SNAPC4: variants seen among roughly 807,000 people sequenced by gnomAD.
The protein encoded by SNAPC4 is small nuclear RNA activating complex polypeptide 4.
SNAPC4 carries 127 observed loss-of-function variants against 151.3 expected under a neutral mutation model. The observed-to-expected ratio is 0.84, with a 90% CI of 0.73 to 0.97. The LOEUF (loss-of-function observed/expected upper bound fraction) is 0.97. Ranked by LOEUF, SNAPC4 falls within the 50% of genes least tolerant of loss-of-function variation. The probability of loss-of-function intolerance (pLI) is 0.00; values close to 1 mark genes in which losing one functional copy is unlikely to be tolerated. For missense variants in SNAPC4, 2,186 were observed against 1,935.0 expected (o/e 1.13, Z -2.43); for synonymous variants, 1,002 against 824.4 (o/e 1.22, Z -3.69).
chr9:136,379,399 C>T, intron 21 of SNAPC4, 100 bp from the exon 22 acceptor site: 8 of 1,540,962 alleles, frequency 5.2e-6, no homozygotes, highest in Non-Finnish European at 6.1e-6. Flanking sequence ...ATGTGGGGAG[C>T]CTGGGGTCTT....
In SNAPC4 at chr9:136,398,420, T is replaced by C. The variant is rs1271066154; in HGVS notation, c.9A>G (p.Val3=). The C allele has an allele frequency of 5.6e-6, 9 of 1,613,330 alleles. No homozygotes were observed. Among genetic ancestry groups the C allele is most frequent in the Middle Eastern group, 1.7e-4 (1 of 6,060 alleles). MD[V]DAEREKITQE... Reference sequence around the variant, plus strand: ...GTGTTATCTTCTCTCTTTCAGCATCTACATCCATGACTCCCGCCTGCCTCC... The same window carrying C: ...GTGTTATCTTCTCTCTTTCAGCATCCACATCCATGACTCCCGCCTGCCTCC... Residue 3 remains valine, a synonymous_variant, in exon 2 of 24, where the codon GTA becomes GTG. Coordinates refer to ENST00000684778, the MANE Select transcript of SNAPC4 (RefSeq NM_003086.4).
Position 136,395,675 on chromosome 9 carries a change from C to G in SNAPC4, c.273G>C (p.Met91Ile). 6.2e-7 allele frequency: 1 copy of G among 1,613,384 alleles called. No individual in the cohort carries two copies. Among genetic ancestry groups the G allele is most frequent in the South Asian group, 1.1e-5 (1 of 91,090 alleles). ...EDPETCLQLN[M>I]VYQEVIQEKL... ...TCTCCTGGATGACCTCCTGGTAGAC[C>G]ATGTTCAGCTGCAGGCAGGTTTCTG... Residue 91 changes from methionine to isoleucine, a missense_variant, in exon 4 of 24, where the codon ATG (methionine) becomes ATC (isoleucine). Coordinates refer to ENST00000684778, the MANE Select transcript of SNAPC4 (RefSeq NM_003086.4).
At position 136,381,813 on chromosome 9, in the gene SNAPC4, C is replaced by T. The variant is rs202014657; in HGVS notation, c.2317+11G>A. ...CCCCCAGGATGCTCCCAGAGGAGCC[C>T]CAGGCCATACCTTGAGTCTGCACTA... On this transcript the variant is annotated intron_variant, in intron 18 of 23. Coordinates refer to ENST00000684778, the MANE Select transcript of SNAPC4 (RefSeq NM_003086.4). 24 of 1,608,986 alleles carry T rather than the reference C, an allele frequency of 1.5e-5. No homozygotes were observed. Among genetic ancestry groups the T allele is most frequent in the African/African-American group, 1.2e-4 (9 of 74,990 alleles).
intron 3 of SNAPC4, 135 bp downstream of exon 3, chr9:136,396,842 T>G: frequency 1.3e-6 from 1 of 761,926 alleles, no homozygotes; most frequent in Non-Finnish European, 2.3e-6. Context: ...TTTTTAATTT[T>G]TTTATAACAA....
At chr9:136,387,895 C>A (rs778716276) in intron 11 of SNAPC4, 47 bp from the exon 12 acceptor site, 2 of 1,066,628 alleles carry the variant, frequency 1.9e-6, no homozygotes, top group South Asian at 1.2e-5. Context: ...AGACACACAC[C>A]CTCCATAGAG....
intron 13 of SNAPC4, among the ~76,000 whole-genome samples, chr9:136,386,871 G>A (rs932220814): frequency 6.6e-6 from 1 of 152,120 alleles, no homozygotes; most frequent in Non-Finnish European, 1.5e-5. Context: ...TCCTGCCTCA[G>A]CCTCCCAAGT....
At chr9:136,388,825 C>T (rs1470916545) in intron 10 of SNAPC4, among the ~76,000 whole-genome samples, 1 of 148,332 alleles carries the variant, frequency 6.7e-6, no homozygotes, top group Non-Finnish European at 1.5e-5. Flanking sequence ...GGAATCAAAC[C>T]TTCACTTAAG....
intron 3 of SNAPC4, among the ~76,000 whole-genome samples, chr9:136,396,411 T>C (rs1380857362): frequency 2.6e-5 from 4 of 152,154 alleles, no homozygotes; most frequent in African/African-American, 7.2e-5. Context: ...GCTGTTTGGG[T>C]GCTTGTGTAT....
In SNAPC4 at chr9:136,378,942, T is replaced by G. The variant is rs143530473; in HGVS notation, c.2885A>C (p.Lys962Thr). Residue 962 changes from lysine (K) to threonine (T), a missense_variant, in exon 22 of 24, where the codon AAA becomes ACA. Lys to Thr is a moderately conservative substitution (Grantham distance 78). Transcript: ENST00000684778. ...LSGPGAPAAA[K>T]PGTSGSWQEA... ...CTGCCAGGAGCCAGAAGTGCCAGGT[T>G]TGGCTGCCGCGGGGGCCCCAGGCCC... is the stretch of plus-strand genomic sequence containing the variant. 1,779 of 1,610,438 alleles carry G rather than the reference T, an allele frequency of 1.1e-3. 8 individuals are homozygous for G. In the African/African-American group the frequency reaches 0.02, roughly 18 times the overall value.
chr9:136,383,726 C>T lies in SNAPC4; in HGVS notation c.1501-58G>A. 6.4e-7 allele frequency: 1 copy of T among 1,556,570 alleles called. No homozygotes were observed. Among genetic ancestry groups the T allele is most frequent in the African/African-American group, 1.4e-5 (1 of 73,934 alleles). On this transcript the variant is annotated intron_variant, in intron 15 of 23. Coordinates refer to ENST00000684778, the MANE Select transcript of SNAPC4 (RefSeq NM_003086.4). This position sits in a 1 kb window ranked among gnomAD's most constrained non-coding sequence, Gnocchi z 4.2. ...GGCAAGCCCGGTTCACCCATGATGG[C>T]AGCAAGCAGGCCAGCCCTTTGGGGA...
chr9:136,398,122 G>A (rs1157328308), intron 2 of SNAPC4, among the ~76,000 whole-genome samples, 177 bp downstream of exon 2: 2 of 152,046 alleles, frequency 1.3e-5, no homozygotes, highest in African/African-American at 2.4e-5. Context: ...TGTCCAGGCT[G>A]GACATGAACT....
In SNAPC4 at chr9:136,395,736, T is replaced by C. The variant is rs780525129; in HGVS notation, c.212A>G (p.Glu71Gly). 6.2e-7 allele frequency: 1 copy of C among 1,613,358 alleles called. No individual in the cohort carries two copies. Among genetic ancestry groups the C allele is most frequent in the Non-Finnish European group, 8.5e-7 (1 of 1,179,826 alleles). ...EERWGEASND[E>G]DDPKDKTLPE... ...GAGGGTTTTATCCTTGGGATCGTCC[T>C]CGTCATTGCTGGCTTCGCCCCACCT... Residue 71 changes from glutamate to glycine, a missense_variant, in exon 4 of 24, where the codon GAG becomes GGG. By Grantham distance (98) the Glu-to-Gly change is moderately conservative. Transcript: ENST00000684778.
Position 136,383,264 on chromosome 9 carries a change from G to C in SNAPC4, c.1905C>G (p.His635Gln), listed in dbSNP as rs61731237. Residue 635 changes from histidine (H) to glutamine (Q), a missense_variant, in exon 16 of 24, where the codon CAC (histidine) becomes CAG (glutamine). Transcript: ENST00000684778. This position sits in a 1 kb window ranked among gnomAD's most constrained non-coding sequence, Gnocchi z 4.2. ...TSPVQVPARA[H>Q]GPVPRSAQAS... The stretch of plus-strand genomic sequence containing the variant: ...CCTGGGCAGACCTCGGGACAGGGCC[G>C]TGGGCCCTGGCAGGGACCTGCACCG... 6.2e-7 allele frequency: 1 copy of C among 1,610,434 alleles called. No individual in the cohort carries two copies. Among genetic ancestry groups the C allele is most frequent in the Non-Finnish European group, 8.5e-7 (1 of 1,178,740 alleles).
intron 21 of SNAPC4, 92 bp downstream of exon 21, chr9:136,379,745 G>T: frequency 8.5e-7 from 1 of 1,170,552 alleles, no homozygotes; most frequent in South Asian, 1.3e-5. Flanking sequence ...GCTGCTTGGG[G>T]GCTGTGGGTG....
chr9:136,395,987 T>C (rs1834256996), intron 3 of SNAPC4, among the ~76,000 whole-genome samples: 2 of 152,200 alleles, frequency 1.3e-5, no homozygotes, highest in African/African-American at 2.4e-5. Context: ...GTGTGCGCCT[T>C]TCCTAATCCA....
In SNAPC4 at chr9:136,388,540, C is replaced by CT. The variant is rs771296964; in HGVS notation, c.1026dup (p.Ala343SerfsTer69). The stretch of plus-strand genomic sequence containing the variant: ...TCTGTCCACTCCTTGCGTTTCAGAG[C>CT]TTTGTTGTGCTGCTGGAATTTCTGC... On this transcript the variant is annotated frameshift_variant, in exon 11 of 24. Transcript: ENST00000684778. LOFTEE classifies it high-confidence loss of function. 1.9e-5 allele frequency: 30 copies of CT among 1,613,990 alleles called. No homozygotes were observed. Among genetic ancestry groups the CT allele is most frequent in the African/African-American group, 4.0e-5 (3 of 74,950 alleles).
At chr9:136,388,830 CT>C (rs1373126659) in intron 10 of SNAPC4, among the ~76,000 whole-genome samples, 5 of 147,906 alleles carry the variant, frequency 3.4e-5, no homozygotes, top group Non-Finnish European at 6.1e-5. Context: ...CAAACCTTCA[CT>C]TAAGAAAATA....
intron 13 of SNAPC4, among the ~76,000 whole-genome samples, chr9:136,386,495 C>T (rs968139598): frequency 4.1e-5 from 6 of 147,184 alleles, no homozygotes; most frequent in African/African-American, 7.6e-5. Flanking sequence ...AGTGCAATGG[C>T]GTGATCTCGG....
chr9:136,390,534 G>A (rs1392725345), intron 10 of SNAPC4, among the ~76,000 whole-genome samples: 6 of 116,606 alleles, frequency 5.1e-5, no homozygotes, highest in Non-Finnish European at 8.1e-5. Context: ...CAGCCTGGGC[G>A]ACAGAGTGAG....
Sources: allele counts gnomAD v4.1 joint callset (sites outside exome capture counted in the v4.1 genomes callset), GRCh38; gene constraint gnomAD v4.1.1; non-coding constraint Gnocchi (gnomAD v3.1); transcripts MANE v1.5; gene names NCBI Gene and HGNC (gene_info 2026-07-23, HGNC 2026-07-21).